DGKK: variants seen among roughly 807,000 people sequenced by gnomAD.
DGKK encodes diacylglycerol kinase kappa.
In DGKK, 35 loss-of-function variants were observed where a neutral mutation model predicts 92.2. The observed-to-expected ratio is 0.38, with a 90% CI of 0.29 to 0.50. DGKK has a LOEUF of 0.50. Ranked by LOEUF, DGKK falls within the 20% of genes least tolerant of loss-of-function variation. The pLI is 0.92. For synonymous variants in DGKK, 368 were observed against 360.6 expected (o/e 1.02, Z -0.23); for missense variants, 910 against 992.2 (o/e 0.92, Z 1.11).
intron 26 of DGKK, 75 bp from the exon 27 acceptor site, chrX:50,370,624 G>C: frequency 1.9e-6 from 2 of 1,068,148 alleles, no homozygotes; most frequent in South Asian, 4.3e-5. Context: ...TCCTGGAAAA[G>C]TGGTAAACAA....
chrX:50,422,919 C>A (rs1442723625), intron 2 of DGKK, among the ~76,000 whole-genome samples: 1 of 111,827 alleles, frequency 8.9e-6, no homozygotes, highest in Non-Finnish European at 1.9e-5. Context: ...GGGTGGCAAC[C>A]TTTGCAGTGT....
intron 1 of DGKK, 24 bp downstream of exon 1, chrX:50,470,010 C>A: frequency 8.6e-7 from 1 of 1,165,777 alleles, no homozygotes; most frequent in Non-Finnish European, 1.1e-6. Flanking sequence ...TTCTTTTCCC[C>A]GCTTCAGGGG....
intron 25 of DGKK, among the ~76,000 whole-genome samples, chrX:50,372,124 C>CA (rs1557223297): frequency 8.9e-6 from 1 of 112,074 alleles, no homozygotes; most frequent in African/African-American, 3.2e-5. Flanking sequence ...GGGTTGAGGA[C>CA]AAGGGTCCTA....
intron 1 of DGKK, among the ~76,000 whole-genome samples, chrX:50,455,121 G>C: frequency 8.9e-6 from 1 of 111,995 alleles, no homozygotes. Flanking sequence ...TGATTATTCT[G>C]TCTGGCCTTC....
In DGKK at chrX:50,470,250, T is replaced by C. The variant is rs1927026705; in HGVS notation, c.429A>G (p.Pro143=). The C allele has an allele frequency of 1.7e-6, 2 of 1,208,488 alleles. No homozygotes were observed. The highest frequency in any genetic ancestry group is 4.4e-5 in the Admixed American group (2 of 45,771). Residue 143 remains proline (P), a synonymous_variant, in exon 1 of 28, where the codon CCA becomes CCG. Transcript: ENST00000611977. ...CTGGGGCCAGCTCTGGGGCAACTTC[T>C]GGAGTCAGCTCTGGGGCCGGCTCTG... ...SVPEPAPELT[P]EVAPELAPEP...
At chrX:50,374,947 C>A (rs782554813) in intron 25 of DGKK, 24 bp downstream of exon 25, 1 of 1,185,236 alleles carries the variant, frequency 8.4e-7, no homozygotes, top group South Asian at 1.8e-5. Flanking sequence ...TTTGCCCTCC[C>A]AGACTCCAAC....
intron 1 of DGKK, among the ~76,000 whole-genome samples, chrX:50,443,906 C>T (rs1926227212): frequency 9.0e-6 from 1 of 110,817 alleles, no homozygotes; most frequent in Non-Finnish European, 1.9e-5. Context: ...ATCTATTCTC[C>T]TTTTCTATAA....
chrX:50,455,597 G>A (rs782308332), intron 1 of DGKK, among the ~76,000 whole-genome samples: 5 of 111,671 alleles, frequency 4.5e-5, no homozygotes, highest in African/African-American at 6.5e-5. Flanking sequence ...GTTGTGTAAT[G>A]AGAGAAAAGA....
At chrX:50,400,344 C>A (rs1238671410) in intron 8 of DGKK, among the ~76,000 whole-genome samples, 1 of 112,093 alleles carries the variant, frequency 8.9e-6, no homozygotes, top group Non-Finnish European at 1.9e-5. Flanking sequence ...ATTCTTGCTG[C>A]ATTGATTTCA....
At chrX:50,448,701 C>T (rs1239344916) in intron 1 of DGKK, among the ~76,000 whole-genome samples, 2 of 111,299 alleles carry the variant, frequency 1.8e-5, no homozygotes, top group East Asian at 5.7e-4. Flanking sequence ...TGACCAGTAT[C>T]CCTTAATAGT....
At chrX:50,398,027 T>C (rs1924900141) in intron 8 of DGKK, among the ~76,000 whole-genome samples, 1 of 111,213 alleles carries the variant, frequency 9.0e-6, no homozygotes, top group African/African-American at 3.3e-5. Flanking sequence ...AGAAGGAATA[T>C]ACCAAGCAGA....
At chrX:50,412,812 G>T (rs1235530038) in intron 4 of DGKK, among the ~76,000 whole-genome samples, 2 of 111,741 alleles carry the variant, frequency 1.8e-5, no homozygotes, top group Non-Finnish European at 3.8e-5. Context: ...ACATACAGGA[G>T]AACAAAATTA....
chrX:50,428,563 T>C (rs781978851), intron 1 of DGKK, among the ~76,000 whole-genome samples: 1 of 112,067 alleles, frequency 8.9e-6, no homozygotes, highest in South Asian at 3.8e-4. Context: ...TTGAATAAGA[T>C]AAAATGAAGT....
chrX:50,461,486 C>A (rs1177191047), intron 1 of DGKK, among the ~76,000 whole-genome samples: 1 of 112,314 alleles, frequency 8.9e-6, no homozygotes, highest in African/African-American at 3.2e-5. Flanking sequence ...TTTTTAGAAG[C>A]TTTCTTGATT....
rs1307893971 is a variant in DGKK, at chrX:50,470,809, A to G, written c.-131T>C. On this transcript the variant is annotated 5_prime_UTR_variant, in exon 1 of 28. The change abolishes an upstream ATG in the 5' untranslated region. Coordinates refer to ENST00000611977, the MANE Select transcript of DGKK (RefSeq NM_001013742.4). ...GCCAAACTTTCCCCCATCCCACTCC[A>G]TGGCTGGCTTGGCTCTGAGGTCTAA... The G allele has an allele frequency of 3.8e-6, 3 of 794,230 alleles. No homozygotes were observed. Among genetic ancestry groups the G allele is most frequent in the Non-Finnish European group, 5.2e-6 (3 of 579,719 alleles). 65.5% of individuals were successfully genotyped at this position (794,230 alleles called of 1,213,427 possible).
chrX:50,418,176 C>A (rs1413200812), intron 4 of DGKK, among the ~76,000 whole-genome samples: 3 of 111,668 alleles, frequency 2.7e-5, no homozygotes, highest in Non-Finnish European at 5.7e-5. Flanking sequence ...CCTCTGAACT[C>A]CCATACCACT....
chrX:50,379,088 G>A (rs1414700229), intron 20 of DGKK, among the ~76,000 whole-genome samples: 1 of 111,747 alleles, frequency 8.9e-6, no homozygotes, highest in African/African-American at 3.3e-5. Flanking sequence ...AGGCCAAGGT[G>A]GGTGGATCAC....
chrX:50,431,938 G>A (rs1557230344), intron 1 of DGKK, among the ~76,000 whole-genome samples: 1 of 111,518 alleles, frequency 9.0e-6, no homozygotes, highest in Admixed American at 9.5e-5. Context: ...ACCTTACAGA[G>A]CATGTGCCTG....
At chrX:50,462,989 C>T (rs190534672) in intron 1 of DGKK, among the ~76,000 whole-genome samples, 39 of 99,229 alleles carry the variant, frequency 3.9e-4, no homozygotes, top group African/African-American at 1.4e-3. Flanking sequence ...ACCCACCACC[C>T]CCCCCACACG....
Sources: allele counts gnomAD v4.1 joint callset (sites outside exome capture counted in the v4.1 genomes callset), GRCh38; gene constraint gnomAD v4.1.1; transcripts MANE v1.5; gene names NCBI Gene and HGNC (gene_info 2026-07-23, HGNC 2026-07-21).